Variants in PGGT1B observed in about 807,000 individuals in gnomAD.
PGGT1B encodes geranylgeranyl transferase type-1 subunit beta.
A neutral mutation model predicts 46.1 loss-of-function variants in PGGT1B; 30 were observed. The ratio of observed to expected loss-of-function variants is 0.65; its 90% CI spans 0.49 to 0.88. PGGT1B has a LOEUF of 0.88. Among genes scored for constraint, PGGT1B ranks in the 40% least tolerant of loss-of-function variants. The pLI is 0.00. For synonymous variants in PGGT1B, 170 were observed against 160.0 expected, an observed-to-expected ratio of 1.06 and a Z score of -0.47; for missense variants, 376 against 455.9, an observed-to-expected ratio of 0.82 and a Z score of 1.60.
At chr5:115,221,712 C>T in intron 7 of PGGT1B, 112 bp downstream of exon 7, 2 of 548,820 alleles carry the variant, frequency 3.6e-6, no homozygotes, top group Non-Finnish European at 6.0e-6. Context: ...AAGAGAAAAT[C>T]CAGTAGCCTA....
Position 115,204,719 on chromosome 5 carries a change from C to G in PGGT1B, c.*7683G>C, listed in dbSNP as rs1314975138. ...TACCAATATTTTTAAAGCATAAATC[C>G]TTTAGTCCAGGAAATTCTTTCTAGG... On this transcript the variant is annotated 3_prime_UTR_variant, in exon 9 of 9. Coordinates refer to ENST00000419445, the MANE Select transcript of PGGT1B (RefSeq NM_005023.4). 1 of 152,034 alleles carries G rather than the reference C, an allele frequency of 6.6e-6. No homozygotes were observed. Among genetic ancestry groups the G allele is most frequent in the East Asian group, 1.9e-4 (1 of 5,190 alleles). 9.4% of individuals were successfully genotyped at this position (152,034 alleles called of 1,614,324 possible).
At chr5:115,251,793 A>G (rs1417224132) in intron 2 of PGGT1B, among the ~76,000 whole-genome samples, 1 of 152,064 alleles carries the variant, frequency 6.6e-6, no homozygotes, top group African/African-American at 2.4e-5. Context: ...GTACCATGTA[A>G]GATACATTTC....
Position 115,262,625 on chromosome 5 carries a change from G to C in PGGT1B, c.140+87C>G. 3.4e-6 allele frequency: 5 copies of C among 1,459,890 alleles called. No individual in the cohort carries two copies. The South Asian group carries it at 6.6e-5, about 19-fold the overall frequency. The allele number at this position is 1,459,890 out of a possible 1,614,324, so 90.4% of individuals were successfully genotyped here. ...CTGGGCGGCCGCGCAGCCCCCTTCC[G>C]GCGCCCAGTTTGCGGTCCGACTCCG... is the stretch of plus-strand genomic sequence containing the variant. On this transcript the variant is annotated intron_variant, in intron 1 of 8. Transcript: ENST00000419445.
At position 115,208,184 on chromosome 5, in the gene PGGT1B, T is replaced by C. The variant is rs575373942; in HGVS notation, c.*4218A>G. On this transcript the variant is annotated 3_prime_UTR_variant, in exon 9 of 9. Coordinates refer to ENST00000419445, the MANE Select transcript of PGGT1B (RefSeq NM_005023.4). ...CTATATTTTCTTTTTGGTACCATCT[T>C]TGTCAGGTTTTTGAATCAATGCTAT... The C allele has an allele frequency of 1.9e-4, 29 of 152,182 alleles. No homozygotes were observed. Among genetic ancestry groups the C allele is most frequent in the African/African-American group, 6.7e-4 (28 of 41,562 alleles). 9.4% of individuals were successfully genotyped at this position (152,182 alleles called of 1,614,324 possible).
At chr5:115,240,394 C>T (rs1235244724) in intron 3 of PGGT1B, among the ~76,000 whole-genome samples, 1 of 152,092 alleles carries the variant, frequency 6.6e-6, no homozygotes, top group African/African-American at 2.4e-5. Context: ...ATATAACGGT[C>T]ATCATAACTA....
chr5:115,230,125 G>A, intron 6 of PGGT1B, among the ~76,000 whole-genome samples: 1 of 151,932 alleles, frequency 6.6e-6, no homozygotes, highest in Non-Finnish European at 1.5e-5. Flanking sequence ...CAATCCTAAA[G>A]AAAGATGGAA....
At chr5:115,251,148 TAC>T (rs1265780000) in intron 2 of PGGT1B, among the ~76,000 whole-genome samples, 4 of 152,130 alleles carry the variant, frequency 2.6e-5, no homozygotes, top group Non-Finnish European at 5.9e-5. Flanking sequence ...TCATAGAACA[TAC>T]ATATGTTCAG....
At position 115,216,919 on chromosome 5, in the gene PGGT1B, A is replaced by C. The variant is rs369287029; in HGVS notation, c.898T>G (p.Ser300Ala). The change falls in exon 8 of 9, where the codon TCA becomes GCA. Residue 300 changes from serine to alanine, a missense_variant. By Grantham distance (99) the Ser-to-Ala change is moderately conservative. Around this residue, in one of 2 missense-constraint regions of PGGT1B, gnomAD observed 222 missense variants for 313.6 expected, o/e 0.71. Coordinates refer to ENST00000419445, the MANE Select transcript of PGGT1B (RefSeq NM_005023.4). The stretch of plus-strand genomic sequence containing the variant: ...CCCCCTACAAGGCGATCTTGAGTTG[A>C]TAAGATGTAATTTCTATTTTTCTCA... ...NFEKNRNYIL[S>A]TQDRLVGGFA... 2.5e-6 allele frequency: 4 copies of C among 1,594,602 alleles called. No homozygotes were observed. Among genetic ancestry groups the C allele is most frequent in the Non-Finnish European group, 2.6e-6 (3 of 1,164,606 alleles).
At chr5:115,215,988 C>A (rs1322684900) in intron 8 of PGGT1B, among the ~76,000 whole-genome samples, 1 of 152,132 alleles carries the variant, frequency 6.6e-6, no homozygotes, top group Non-Finnish European at 1.5e-5. Context: ...GAGGTGTAGG[C>A]TGCAGAATGA....
intron 8 of PGGT1B, among the ~76,000 whole-genome samples, chr5:115,215,104 T>C (rs552649620): frequency 1.3e-5 from 2 of 151,970 alleles, no homozygotes; most frequent in South Asian, 4.2e-4. Context: ...GTTCAAGCAA[T>C]TCTCCTGCCT....
chr5:115,233,645 C>T (rs1011643099), intron 5 of PGGT1B, among the ~76,000 whole-genome samples: 1 of 150,152 alleles, frequency 6.7e-6, no homozygotes, highest in East Asian at 1.9e-4. Flanking sequence ...GTATGGCCCT[C>T]GAGTTAAGAA....
intron 7 of PGGT1B, among the ~76,000 whole-genome samples, chr5:115,219,129 G>A (rs552107605): frequency 3.3e-5 from 5 of 151,860 alleles, no homozygotes; most frequent in Middle Eastern, 3.4e-3. Context: ...AAATTGCAAG[G>A]GGCTCCAAAT....
At chr5:115,230,920 G>T in intron 6 of PGGT1B, 56 bp downstream of exon 6, 2 of 1,030,724 alleles carry the variant, frequency 1.9e-6, no homozygotes, top group Non-Finnish European at 1.5e-6. Flanking sequence ...AAGACACCAA[G>T]ATGTTGTCTA....
intron 6 of PGGT1B, among the ~76,000 whole-genome samples, chr5:115,224,826 T>A: frequency 7.2e-6 from 1 of 139,626 alleles, no homozygotes; most frequent in African/African-American, 2.7e-5. Context: ...AGAGAGAGAC[T>A]ATGTCTCAAA....
At chr5:115,223,566 G>A (rs114517564) in intron 6 of PGGT1B, among the ~76,000 whole-genome samples, 266 of 152,294 alleles carry the variant, frequency 1.7e-3, no homozygotes, top group African/African-American at 6.1e-3. Flanking sequence ...CACTGTTGGC[G>A]AAAGGAGCCG....
chr5:115,256,259 G>C (rs1011074124), intron 1 of PGGT1B, among the ~76,000 whole-genome samples: 1 of 152,170 alleles, frequency 6.6e-6, no homozygotes, highest in African/African-American at 2.4e-5. Flanking sequence ...ATACAACCAA[G>C]AATTATCTGG....
chr5:115,259,117 C>T (rs940680387), intron 1 of PGGT1B, among the ~76,000 whole-genome samples: 1 of 152,178 alleles, frequency 6.6e-6, no homozygotes, highest in African/African-American at 2.4e-5. Context: ...TGCATTTTAA[C>T]AAGATCCCCA....
chr5:115,242,777 G>A (rs936503338), intron 2 of PGGT1B, among the ~76,000 whole-genome samples: 1 of 152,102 alleles, frequency 6.6e-6, no homozygotes, highest in Admixed American at 6.5e-5. Context: ...GACCAGCCTG[G>A]TCAACATGGT....
intron 3 of PGGT1B, 53 bp from the exon 4 acceptor site, chr5:115,238,062 T>C (rs1757238080): frequency 7.6e-7 from 1 of 1,311,248 alleles, no homozygotes; most frequent in South Asian, 1.4e-5. Context: ...GAAAACTTAT[T>C]TCATTAAGAA....
Sources: gnomAD v4.1 joint callset for allele counts (sites outside exome capture counted in the v4.1 genomes callset) on GRCh38, gnomAD v4.1.1 for gene constraint, gnomAD v4.1.1 regional missense constraint, MANE v1.5 for transcripts, NCBI Gene and HGNC (gene_info 2026-07-23, HGNC 2026-07-21) for gene names.